The following GCFC2 variants were observed in gnomAD, a reference collection of about 807,000 sequenced individuals.
GCFC2 encodes intron Large complex component GCFC2.
A neutral mutation model predicts 99.4 loss-of-function variants in GCFC2; 102 were observed. The observed-to-expected ratio is 1.03, with a 90% CI of 0.87 to 1.21. The LOEUF (loss-of-function observed/expected upper bound fraction) is 1.21, where lower values mean the gene tolerates loss of function less well. GCFC2 is among the 50% of genes most tolerant of loss of function. GCFC2 has a pLI of 0.00. For missense variants in GCFC2, 973 were observed against 920.9 expected (o/e 1.06, Z -0.73); for synonymous variants, 338 against 316.8 (o/e 1.07, Z -0.71).
intron 3 of GCFC2, chr2:75,701,939 G>A: frequency 8.2e-7 from 1 of 1,226,646 alleles, no homozygotes. Context: ...GTAAGATACT[G>A]CACATTTTTT....
upstream of GCFC2, chr2:75,711,205 T>A: frequency 2.0e-6 from 2 of 985,360 alleles, no homozygotes; most frequent in Non-Finnish European, 2.4e-6. Flanking sequence ...TCAAGCGTTA[T>A]GCTTTCCGTC....
intron 7 of GCFC2, 66 bp from the exon 8 acceptor site, chr2:75,690,785 A>T (rs953038712): frequency 1.3e-6 from 1 of 779,396 alleles, no homozygotes; most frequent in East Asian, 2.5e-5. Flanking sequence ...ATGCTTTGAA[A>T]ATAAAGGTAA....
intron 6 of GCFC2, among the ~76,000 whole-genome samples, chr2:75,693,460 A>G (rs1558745511): frequency 1.3e-5 from 2 of 152,274 alleles, no homozygotes; most frequent in African/African-American, 4.8e-5. Context: ...AAAATAAATA[A>G]AATAAAAATA....
intron 1 of GCFC2, among the ~76,000 whole-genome samples, chr2:75,709,126 T>C (rs891515937): frequency 6.6e-6 from 1 of 152,218 alleles, no homozygotes; most frequent in Non-Finnish European, 1.5e-5. Flanking sequence ...TTACATGTAA[T>C]AGATTTTTTG....
chr2:75,706,341 T>C (rs553730686), intron 2 of GCFC2, among the ~76,000 whole-genome samples, 182 bp downstream of exon 2: 12 of 152,322 alleles, frequency 7.9e-5, no homozygotes, highest in African/African-American at 2.6e-4. Flanking sequence ...CCCTGCTACT[T>C]ATAAGCTGTC....
At position 75,668,339 on chromosome 2, in the gene GCFC2, GAAAACAAAAC is replaced by G. The variant is rs368695001; in HGVS notation, c.2103+1789_2103+1798del. ...GCTTAGAATGCATATAAGTGCTAAA[GAAAACAAAAC>G]AAAACAAAACAAAACAAAACAAAAA... On this transcript the variant is annotated intron_variant, in intron 15 of 16. Transcript: ENST00000321027. Among the ~76,000 whole-genome samples the G allele has an allele frequency of 6.9e-3, 1,051 of 151,742 alleles. 10 individuals are homozygous for G. The highest frequency in any genetic ancestry group is 0.02 in the African/African-American group (823 of 41,336).
At chr2:75,707,653 A>T (rs1173678048) in intron 1 of GCFC2, among the ~76,000 whole-genome samples, 1 of 152,220 alleles carries the variant, frequency 6.6e-6, no homozygotes. Context: ...ACACCAAAGC[A>T]GTGGGTCTTA....
intron 4 of GCFC2, among the ~76,000 whole-genome samples, chr2:75,696,871 C>T (rs1048350357): frequency 1.2e-4 from 18 of 152,048 alleles, no homozygotes; most frequent in African/African-American, 3.4e-4. Flanking sequence ...CTGCAAGCTC[C>T]GCCTCCTGGG....
Position 75,670,201 on chromosome 2 carries a change from A to G in GCFC2, c.2040T>C (p.Arg680=). The G allele has an allele frequency of 1.9e-6, 3 of 1,606,036 alleles. No individual in the cohort carries two copies. The highest frequency in any genetic ancestry group is 2.2e-5 in the South Asian group (2 of 90,938). Residue 680 remains arginine, a synonymous_variant, in exon 15 of 17, where the codon CGT becomes CGC. Transcript: ENST00000321027. ...CATTGAGAAGTGCTATAATAAGGTA[A>G]CGATTTAGCAGCTTCCCTAGTCCTA... ...QELGLGKLLN[R]YLIIALLNAT... is the part of the protein sequence containing the mutation.
Position 75,663,449 on chromosome 2 carries a change from CAT to C in GCFC2, c.*1215_*1216del, listed in dbSNP as rs1195162673. On this transcript the variant is annotated 3_prime_UTR_variant, in exon 17 of 17. Coordinates refer to ENST00000321027, the MANE Select transcript of GCFC2 (RefSeq NM_003203.5). ...AAATATTTTATCAGAAAATGAATCA[CAT>C]GTTGTGAGTATTTAAAATATCTGTT... The C allele has an allele frequency of 6.6e-6, 1 of 152,062 alleles. No individual in the cohort carries two copies. Among genetic ancestry groups the C allele is most frequent in the Admixed American group, 6.6e-5 (1 of 15,262 alleles). The allele number at this position is 152,062 out of a possible 1,614,324, so 9.4% of individuals were successfully genotyped here.
In GCFC2 at chr2:75,691,959, A is replaced by G; in HGVS notation, c.1144+18T>C. On this transcript the variant is annotated intron_variant, in intron 7 of 16. Transcript: ENST00000321027. ...GCTTAATGAATAATAAATTGTATGG[A>G]ACACGAAAAACACTAACGTGATAAC... is the stretch of plus-strand genomic sequence containing the variant. The G allele has an allele frequency of 7.3e-7, 1 of 1,374,110 alleles. No homozygotes were observed. The highest frequency in any genetic ancestry group is 1.7e-5 in the South Asian group (1 of 60,104). The allele number at this position is 1,374,110 out of a possible 1,614,324, so 85.1% of individuals were successfully genotyped here.
chr2:75,662,862 A>C lies in GCFC2; in HGVS notation c.*1804T>G, dbSNP rs1678663524. On this transcript the variant is annotated 3_prime_UTR_variant, in exon 17 of 17. Transcript: ENST00000321027. ...TCCAAATGTGTACTTAAATAGAAAA[A>C]AATTACAAATTTCATGTGCAATAAA... 1 of 151,960 alleles carries C rather than the reference A, an allele frequency of 6.6e-6. No individual in the cohort carries two copies. Among genetic ancestry groups the C allele is most frequent in the Non-Finnish European group, 1.5e-5 (1 of 67,958 alleles). 9.4% of individuals were successfully genotyped at this position (151,960 alleles called of 1,614,324 possible). A position where few individuals can be genotyped will look rare whatever the true frequency, so the allele number is the denominator to read the frequency against.
chr2:75,703,922 G>A (rs1680719870), intron 2 of GCFC2, among the ~76,000 whole-genome samples: 1 of 152,186 alleles, frequency 6.6e-6, no homozygotes, highest in South Asian at 2.1e-4. Flanking sequence ...TCTTGCAGGT[G>A]ACTCGGTAGG....
rs1208024738 is a variant in GCFC2 at position 75,702,398 on chromosome 2, A to C, written c.420T>G (p.Ile140Met). ...STVKIPDAAF[I>M]QAARRKRELA... ...ATTCACGTTTTCTGCGGGCTGCCTG[A>C]ATAAAAGCTGCATCTGGGATCTTAA... Residue 140 changes from isoleucine to methionine, a missense_variant, in exon 3 of 17, where the codon ATT becomes ATG. Coordinates refer to ENST00000321027, the MANE Select transcript of GCFC2 (RefSeq NM_003203.5). 1 of 1,613,474 alleles carries C rather than the reference A, an allele frequency of 6.2e-7. No homozygotes were observed. Among genetic ancestry groups the C allele is most frequent in the Non-Finnish European group, 8.5e-7 (1 of 1,179,546 alleles).
intron 2 of GCFC2, among the ~76,000 whole-genome samples, chr2:75,702,827 C>T (rs1171930187): frequency 6.6e-6 from 1 of 152,156 alleles, no homozygotes; most frequent in Non-Finnish European, 1.5e-5. Context: ...TTAGAAGGAT[C>T]AATGACAGAC....
chr2:75,681,876 G>A (rs1044634356), intron 11 of GCFC2, among the ~76,000 whole-genome samples: 12 of 151,886 alleles, frequency 7.9e-5, no homozygotes, highest in African/African-American at 2.7e-4. Flanking sequence ...AGGCCACTGC[G>A]GCCAGACTGC....
chr2:75,664,822 TG>T, intron 16 of GCFC2, 39 bp from the exon 17 acceptor site: 1 of 918,840 alleles, frequency 1.1e-6, no homozygotes, highest in Non-Finnish European at 1.8e-6. Flanking sequence ...AAAAATGCAA[TG>T]TATGAGGGAA....
chr2:75,664,469 G>C lies in GCFC2; in HGVS notation c.*197C>G, dbSNP rs1669847505. 1.9e-5 allele frequency: 7 copies of C among 365,006 alleles called. No individual in the cohort carries two copies. The South Asian group carries it at 3.6e-4, about 19-fold the overall frequency. The allele number at this position is 365,006 out of a possible 1,614,324, so 22.6% of individuals were successfully genotyped here. A position where few individuals can be genotyped will look rare whatever the true frequency, so the allele number is the denominator to read the frequency against. ...AAGCTCCAGTGCATTTAATTCCTTA[G>C]AACACCACAGAATCATGGCAGCTTT... is the stretch of plus-strand genomic sequence containing the variant. On this transcript the variant is annotated 3_prime_UTR_variant, in exon 17 of 17. Transcript: ENST00000321027.
chr2:75,713,002 T>C (rs762109832), upstream of GCFC2, among the ~76,000 whole-genome samples: 10 of 152,220 alleles, frequency 6.6e-5, no homozygotes, highest in Non-Finnish European at 1.2e-4. Flanking sequence ...TATCACTGAC[T>C]ATATGTCACC....
Sources: allele counts gnomAD v4.1 joint callset (sites outside exome capture counted in the v4.1 genomes callset), GRCh38; gene constraint gnomAD v4.1.1; transcripts MANE v1.5; gene names NCBI Gene and HGNC (gene_info 2026-07-23, HGNC 2026-07-21).